The following FANCA variants were observed in gnomAD, a reference collection of about 807,000 sequenced individuals.
FANCA encodes the protein FA complementation group A.
A neutral mutation model predicts 194.3 loss-of-function variants in FANCA; 236 were observed. The observed-to-expected ratio is 1.21, with a 90% CI of 1.09 to 1.35. The LOEUF (loss-of-function observed/expected upper bound fraction) is 1.35. Ranked by LOEUF, FANCA falls within the 40% of genes most tolerant of loss-of-function variation. The pLI, the probability that FANCA is intolerant of heterozygous loss-of-function variation, is 0.00. For synonymous variants in FANCA, 1,014 were observed against 715.8 expected (o/e 1.42, Z -6.65); for missense variants, 2,628 against 1,813.9 (o/e 1.45, Z -8.15).
intron 29 of FANCA, among the ~76,000 whole-genome samples, chr16:89,760,590 C>T (rs925171876): frequency 6.6e-6 from 1 of 152,182 alleles, no homozygotes; most frequent in East Asian, 1.9e-4. Context: ...AAACTCCACA[C>T]CCTTAAACCC....
chr16:89,803,424 G>C (rs1451729053), intron 7 of FANCA, 83 bp from the exon 8 acceptor site: 4 of 1,293,054 alleles, frequency 3.1e-6, no homozygotes, highest in Non-Finnish European at 3.4e-6. Context: ...CCACTTCAGA[G>C]GGGCGGGTGA....
intron 15 of FANCA, among the ~76,000 whole-genome samples, chr16:89,784,252 G>C (rs1208797241): frequency 2.0e-5 from 3 of 151,910 alleles, no homozygotes; most frequent in Admixed American, 2.0e-4. Flanking sequence ...TGCGCCTGTA[G>C]TCCCAACTAC....
intron 26 of FANCA, among the ~76,000 whole-genome samples, chr16:89,767,919 C>G (rs1030566722): frequency 6.6e-6 from 1 of 152,132 alleles, no homozygotes; most frequent in Non-Finnish European, 1.5e-5. Flanking sequence ...CTGCTGACCT[C>G]AAGTGATCTG....
intron 23 of FANCA, among the ~76,000 whole-genome samples, chr16:89,771,409 T>C (rs1442609812): frequency 6.6e-6 from 1 of 151,260 alleles, no homozygotes; most frequent in Admixed American, 6.6e-5. Flanking sequence ...TAGTGAGCCA[T>C]GATTGCACCA....
At chr16:89,812,653 A>AAAAAC (rs1170708995) in intron 3 of FANCA, among the ~76,000 whole-genome samples, 1 of 150,066 alleles carries the variant, frequency 6.7e-6, no homozygotes, top group Non-Finnish European at 1.5e-5. Flanking sequence ...TCTCAAAAAA[A>AAAAAC]AAAAAAAAAA....
chr16:89,767,192 G>C lies in FANCA; in HGVS notation c.2550C>G (p.Ser850=), dbSNP rs755395838. ...AISYSLCKFS[S]QSRDTLCSCL... ...AGCTGCACAAAGTATCTCGTGACTG[G>C]GAAGAAAACTTGCAGAGAGAGTAAG... The change falls in exon 27 of 43, where the codon TCC becomes TCG. Residue 850 remains serine (S), a synonymous_variant. Coordinates refer to ENST00000389301, the MANE Select transcript of FANCA (RefSeq NM_000135.4). 10 of 1,613,898 alleles carry C rather than the reference G, an allele frequency of 6.2e-6. No individual in the cohort carries two copies. The highest frequency in any genetic ancestry group is 1.3e-5 in the African/African-American group (1 of 75,026).
rs1028754376 is a variant in FANCA, at chr16:89,797,575, T to C, written c.894-1557A>G. 7.2e-5 allele frequency among the ~76,000 whole-genome samples: 11 copies of C among 151,964 alleles called. 1 individual carries two copies. The highest frequency in any genetic ancestry group is 7.2e-4 in the Admixed American group (11 of 15,258). On this transcript the variant is annotated intron_variant, in intron 10 of 42. Transcript: ENST00000389301. Reference sequence around the variant, plus strand: ...TGGCCACCAAGACTGTTGGAGGATGTCTGATTTTAAATTATTGGCAGGCCA... The same window carrying C: ...TGGCCACCAAGACTGTTGGAGGATGCCTGATTTTAAATTATTGGCAGGCCA...
Position 89,749,777 on chromosome 16 carries a change from G to A in FANCA, c.3192C>T (p.Ser1064=), listed in dbSNP as rs768502785. The A allele has an allele frequency of 9.9e-6, 16 of 1,614,194 alleles. No homozygotes were observed. Among genetic ancestry groups the A allele is most frequent in the South Asian group, 5.5e-5 (5 of 91,090 alleles). The change falls in exon 32 of 43, where the codon AGC becomes AGT. Residue 1064 remains serine, a synonymous_variant. Coordinates refer to ENST00000389301, the MANE Select transcript of FANCA (RefSeq NM_000135.4). ...TCTGTCTCTGAAGGCTGGCAGCCAC[G>A]CTCCACCCGCTTGTCAGAGCCTGGA... ...RRLQALTSGW[S]VAASLQRQRE...
At chr16:89,752,059 C>CG in intron 31 of FANCA, 79 bp downstream of exon 31, 6 of 1,314,662 alleles carry the variant, frequency 4.6e-6, no homozygotes, top group Non-Finnish European at 6.6e-6. Context: ...CGTGAGCCAC[C>CG]GCGCCTGGCA....
intron 31 of FANCA, among the ~76,000 whole-genome samples, chr16:89,751,767 T>C (rs2038600341): frequency 1.3e-5 from 2 of 148,516 alleles, no homozygotes; most frequent in Admixed American, 1.3e-4. Flanking sequence ...CAACAATAAA[T>C]ATCTTTTTTT....
chr16:89,751,911 C>T (rs897340828), intron 31 of FANCA, among the ~76,000 whole-genome samples: 1 of 152,044 alleles, frequency 6.6e-6, no homozygotes, highest in Non-Finnish European at 1.5e-5. Flanking sequence ...GGTGGGGCTA[C>T]AGGTGCCCGC....
chr16:89,772,817 T>G (rs2039368982), intron 22 of FANCA, among the ~76,000 whole-genome samples: 1 of 101,554 alleles, frequency 9.8e-6, no homozygotes, highest in Non-Finnish European at 1.8e-5. Flanking sequence ...AGACTCTGTC[T>G]CAAAAAAAAA....
chr16:89,810,557 T>C (rs2040836893), intron 5 of FANCA, 150 bp downstream of exon 5: 1 of 685,046 alleles, frequency 1.5e-6, no homozygotes, highest in East Asian at 2.7e-5. Flanking sequence ...AATCCACAGA[T>C]GATTTCTAAA....
Position 89,799,165 on chromosome 16 carries a change from C to G in FANCA, c.893+1G>C. The G allele has an allele frequency of 1.2e-6, 2 of 1,614,208 alleles. No individual in the cohort carries two copies. Among genetic ancestry groups the G allele is most frequent in the Non-Finnish European group, 1.7e-6 (2 of 1,180,048 alleles). ...CAGGCAGGCCACCCTCAGGAACATA[C>G]CAGCACCTCACGATCTTGTGAGTGG... On this transcript the variant is annotated splice_donor_variant, in intron 10 of 42. Transcript: ENST00000389301. LOFTEE classifies it high-confidence loss of function.
intron 29 of FANCA, among the ~76,000 whole-genome samples, chr16:89,760,019 A>G (rs1016629963): frequency 3.3e-5 from 5 of 151,168 alleles, no homozygotes; most frequent in South Asian, 2.1e-4. Flanking sequence ...CGCTGTCCGG[A>G]ACTGGGGTGC....
intron 30 of FANCA, among the ~76,000 whole-genome samples, chr16:89,756,874 AC>A (rs1328323038): frequency 2.6e-5 from 4 of 152,116 alleles, no homozygotes; most frequent in African/African-American, 9.7e-5. Flanking sequence ...CTGCACTGTT[AC>A]CCCCAGGCAG....
chr16:89,781,476 A>G (rs1366217207), intron 17 of FANCA, among the ~76,000 whole-genome samples: 3 of 150,564 alleles, frequency 2.0e-5, no homozygotes, highest in Non-Finnish European at 4.4e-5. Flanking sequence ...GATTGAGACC[A>G]TCCTGGATAA....
At position 89,810,699 on chromosome 16, in the gene FANCA, A is replaced by C. The variant is rs764367299; in HGVS notation, c.522+8T>G. 1.3e-6 allele frequency: 2 copies of C among 1,578,788 alleles called. No homozygotes were observed. The highest frequency in any genetic ancestry group is 1.7e-6 in the Non-Finnish European group (2 of 1,148,216). ...ACTGGAGAGTCAGATTTGCAATCTC[A>C]AATTTACCTGTATTTTCCATAATTC... On this transcript the variant is annotated splice_region_variant and intron_variant, in intron 5 of 42. Transcript: ENST00000389301.
Position 89,738,529 on chromosome 16 carries a change from C to T in FANCA, c.*72G>A, listed in dbSNP as rs1215123045. ...ATTTGTAATCCACTTTTTAGTGCAA[C>T]AAGAGCTCCATGTTATGCTTGTAAT... On this transcript the variant is annotated 3_prime_UTR_variant, in exon 43 of 43. Coordinates refer to ENST00000389301, the MANE Select transcript of FANCA (RefSeq NM_000135.4). The T allele has an allele frequency of 6.2e-7, 1 of 1,605,360 alleles. No individual in the cohort carries two copies. Among genetic ancestry groups the T allele is most frequent in the Non-Finnish European group, 8.5e-7 (1 of 1,174,526 alleles).
Sources: allele counts gnomAD v4.1 joint callset (sites outside exome capture counted in the v4.1 genomes callset), GRCh38; gene constraint gnomAD v4.1.1; transcripts MANE v1.5; gene names NCBI Gene and HGNC (gene_info 2026-07-23, HGNC 2026-07-21).